Variants in GRIA1 observed in about 807,000 individuals in gnomAD.
GRIA1 encodes the protein glutamate ionotropic receptor AMPA type subunit 1.
Under a neutral mutation model 99.2 loss-of-function variants are expected in GRIA1, and 31 were observed. The ratio of observed to expected loss-of-function variants is 0.31; its 90% CI spans 0.23 to 0.42. The LOEUF (loss-of-function observed/expected upper bound fraction) is 0.42. Ranked by LOEUF, GRIA1 falls within the 10% of genes least tolerant of loss-of-function variation. GRIA1 has a pLI of 1.00. For missense variants in GRIA1, 782 were observed against 1,157.5 expected (o/e 0.68, Z 4.71); for synonymous variants, 438 against 432.4 (o/e 1.01, Z -0.16).
intron 11 of GRIA1, among the ~76,000 whole-genome samples, chr5:153,741,933 TTAAAAA>T (rs1187329777): frequency 9.9e-6 from 1 of 100,670 alleles, no homozygotes; most frequent in Non-Finnish European, 2.0e-5. Flanking sequence ...AAAGCTTTTT[TTAAAAA>T]AAAAAAAAAA....
intron 11 of GRIA1, among the ~76,000 whole-genome samples, chr5:153,749,929 C>T (rs935978709): frequency 1.3e-5 from 2 of 152,120 alleles, no homozygotes; most frequent in African/African-American, 4.8e-5. Context: ...GAGTACTGGG[C>T]TTTCCTTAGA....
At chr5:153,603,944 A>T (rs1765228012) in intron 2 of GRIA1, among the ~76,000 whole-genome samples, 1 of 152,218 alleles carries the variant, frequency 6.6e-6, no homozygotes, top group Non-Finnish European at 1.5e-5. Context: ...AAATGGTAAT[A>T]CTATTACTAT....
intron 15 of GRIA1, among the ~76,000 whole-genome samples, chr5:153,806,537 C>A (rs943731084): frequency 3.9e-5 from 6 of 152,108 alleles, no homozygotes; most frequent in Non-Finnish European, 7.4e-5. Context: ...GTGTTGGGAC[C>A]ACAGGCATGA....
intron 5 of GRIA1, among the ~76,000 whole-genome samples, chr5:153,667,882 G>A (rs1030783502): frequency 1.3e-5 from 2 of 152,202 alleles, no homozygotes; most frequent in Admixed American, 6.5e-5. Flanking sequence ...TACTTGAAAT[G>A]CCTTTTCATT....
chr5:153,646,070 C>T (rs184134683), intron 2 of GRIA1, among the ~76,000 whole-genome samples: 1 of 152,282 alleles, frequency 6.6e-6, no homozygotes, highest in African/African-American at 2.4e-5. Context: ...AGTTTAATCC[C>T]ATGACCTTGG....
chr5:153,812,454 T>C lies in GRIA1; in HGVS notation c.*1229T>C, dbSNP rs1766881172. The C allele has an allele frequency of 6.6e-6, 1 of 152,208 alleles. No homozygotes were observed. The highest frequency in any genetic ancestry group is 6.5e-5 in the Admixed American group (1 of 15,276). The allele number at this position is 152,208 out of a possible 1,614,324, so 9.4% of individuals were successfully genotyped here. A position where few individuals can be genotyped will look rare whatever the true frequency, so the allele number is the denominator to read the frequency against. On this transcript the variant is annotated 3_prime_UTR_variant, in exon 16 of 16. Transcript: ENST00000285900. ...TGGGTTTTTATGTTAATATAAAGTGTTGTTTTAGCATGTGGCCAGATGATG... is the reference window on the plus strand; with the variant it reads ...TGGGTTTTTATGTTAATATAAAGTGCTGTTTTAGCATGTGGCCAGATGATG...
chr5:153,583,089 C>T (rs1324317578), intron 2 of GRIA1, among the ~76,000 whole-genome samples: 2 of 152,094 alleles, frequency 1.3e-5, no homozygotes, highest in African/African-American at 4.8e-5. Context: ...TGAGCCACCA[C>T]ACTTAGCTAA....
At chr5:153,744,512 T>C (rs909162373) in intron 11 of GRIA1, among the ~76,000 whole-genome samples, 4 of 152,228 alleles carry the variant, frequency 2.6e-5, no homozygotes, top group African/African-American at 9.6e-5. Context: ...TTTTGCTATT[T>C]ATTAGCTTAA....
intron 2 of GRIA1, among the ~76,000 whole-genome samples, chr5:153,548,177 G>A (rs1407239218): frequency 6.6e-6 from 1 of 152,122 alleles, no homozygotes; most frequent in Admixed American, 6.6e-5. Context: ...TTAAGGTGCT[G>A]TGATTTCAAC....
At chr5:153,685,209 G>T (rs1400886929) in intron 7 of GRIA1, among the ~76,000 whole-genome samples, 1 of 152,190 alleles carries the variant, frequency 6.6e-6, no homozygotes, top group African/African-American at 2.4e-5. Context: ...ACACATGGTG[G>T]ATCACTATTA....
At chr5:153,792,826 G>A (rs147292069) in intron 13 of GRIA1, among the ~76,000 whole-genome samples, 3 of 152,102 alleles carry the variant, frequency 2.0e-5, no homozygotes, top group Non-Finnish European at 2.9e-5. Flanking sequence ...GGCCCATAAA[G>A]GTACCTAAAA....
At chr5:153,782,670 T>C (rs960885462) in intron 13 of GRIA1, among the ~76,000 whole-genome samples, 3 of 152,112 alleles carry the variant, frequency 2.0e-5, no homozygotes, top group Non-Finnish European at 2.9e-5. Flanking sequence ...CAGTTAAGAA[T>C]TAATATCTTG....
chr5:153,663,324 G>A (rs1231088033), intron 5 of GRIA1, among the ~76,000 whole-genome samples: 1 of 152,248 alleles, frequency 6.6e-6, no homozygotes, highest in Non-Finnish European at 1.5e-5. Context: ...CTAAGGATTA[G>A]GCTTGTTCTC....
chr5:153,510,842 A>T (rs1230801077), intron 2 of GRIA1, among the ~76,000 whole-genome samples: 2 of 152,174 alleles, frequency 1.3e-5, no homozygotes, highest in Admixed American at 6.5e-5. Flanking sequence ...TACAGGGTTC[A>T]TTTTTAAAGT....
intron 11 of GRIA1, among the ~76,000 whole-genome samples, chr5:153,710,644 A>G (rs137874776): frequency 6.6e-6 from 1 of 152,164 alleles, no homozygotes; most frequent in East Asian, 1.9e-4. Flanking sequence ...CCATTTCCCC[A>G]TGTGTGTGGT....
chr5:153,691,698 T>C (rs142125281), intron 8 of GRIA1, among the ~76,000 whole-genome samples: 1 of 152,326 alleles, frequency 6.6e-6, no homozygotes, highest in East Asian at 1.9e-4. Flanking sequence ...GCATCAGATA[T>C]AGACATAGCA....
At chr5:153,685,196 A>T in intron 7 of GRIA1, among the ~76,000 whole-genome samples, 1 of 152,216 alleles carries the variant, frequency 6.6e-6, no homozygotes, top group Non-Finnish European at 1.5e-5. Flanking sequence ...GAGGGATCTG[A>T]GGACACATGG....
At chr5:153,506,910 G>A (rs1044424705) in intron 2 of GRIA1, among the ~76,000 whole-genome samples, 2 of 152,054 alleles carry the variant, frequency 1.3e-5, no homozygotes, top group African/African-American at 4.8e-5. Flanking sequence ...ATCACTTGAG[G>A]CCAGGAGTTC....
At chr5:153,698,583 C>A (rs1193413951) in intron 9 of GRIA1, among the ~76,000 whole-genome samples, 2 of 110,942 alleles carry the variant, frequency 1.8e-5, no homozygotes, top group Non-Finnish European at 3.6e-5. Context: ...TTCAAGATGA[C>A]CCCAGAGGTA....
Sources: allele counts gnomAD v4.1 joint callset (sites outside exome capture counted in the v4.1 genomes callset), GRCh38; gene constraint gnomAD v4.1.1; transcripts MANE v1.5; gene names NCBI Gene and HGNC (gene_info 2026-07-23, HGNC 2026-07-21).